Variants in ERCC8 observed in about 807,000 individuals in gnomAD.
ERCC8 encodes ERCC excision repair 8, CSA ubiquitin ligase complex subunit.
In ERCC8, 52 loss-of-function variants were observed where a neutral mutation model predicts 54.9. The ratio of observed to expected loss-of-function variants is 0.95; its 90% CI spans 0.76 to 1.19. The LOEUF (loss-of-function observed/expected upper bound fraction) is 1.19, where lower values mean the gene tolerates loss of function less well. ERCC8 is among the 50% of genes most tolerant of loss of function. The probability of loss-of-function intolerance (pLI) is 0.00; values close to 1 mark genes in which losing one functional copy is unlikely to be tolerated. For missense variants in ERCC8, 514 were observed against 466.1 expected (o/e 1.10, Z -0.95); for synonymous variants, 146 against 157.2 (o/e 0.93, Z 0.53).
intron 10 of ERCC8, among the ~76,000 whole-genome samples, chr5:60,888,602 A>C (rs750782363): frequency 4.9e-4 from 75 of 152,336 alleles, no homozygotes; most frequent in Non-Finnish European, 6.0e-4. Context: ...AACAAAGAAC[A>C]CTTAGATAGA....
chr5:60,926,014 G>A (rs185443726), intron 2 of ERCC8, among the ~76,000 whole-genome samples: 16 of 152,012 alleles, frequency 1.1e-4, no homozygotes, highest in African/African-American at 2.2e-4. Context: ...TAGTAGAGAC[G>A]GGGTTTCACC....
chr5:60,882,063 G>A (rs948324819), intron 11 of ERCC8, among the ~76,000 whole-genome samples: 1 of 152,092 alleles, frequency 6.6e-6, no homozygotes, highest in African/African-American at 2.4e-5. Context: ...GGATGATCTC[G>A]ATCTCCTGAT....
intron 11 of ERCC8, among the ~76,000 whole-genome samples, chr5:60,880,274 C>T (rs983935257): frequency 9.2e-5 from 14 of 152,168 alleles, no homozygotes; most frequent in South Asian, 4.1e-4. Flanking sequence ...GGTAACCCGA[C>T]CTTTCTCTCT....
chr5:60,884,342 G>A (rs911863496), intron 11 of ERCC8, among the ~76,000 whole-genome samples: 1 of 151,822 alleles, frequency 6.6e-6, no homozygotes, highest in Non-Finnish European at 1.5e-5. Context: ...TGGGCGTGGT[G>A]GTGGGCGCCT....
intron 6 of ERCC8, 57 bp downstream of exon 6, chr5:60,903,591 T>G: frequency 6.2e-7 from 1 of 1,608,214 alleles, no homozygotes; most frequent in East Asian, 2.2e-5. Flanking sequence ...TAGTAACGTT[T>G]CTTTTTATTG....
intron 4 of ERCC8, among the ~76,000 whole-genome samples, chr5:60,908,751 T>A (rs1016759113): frequency 2.0e-5 from 3 of 151,884 alleles, no homozygotes; most frequent in Non-Finnish European, 4.4e-5. Flanking sequence ...TAGACTGAAG[T>A]GTGCAGCTGT....
intron 1 of ERCC8, among the ~76,000 whole-genome samples, chr5:60,930,639 T>A (rs559308452): frequency 8.8e-4 from 134 of 152,076 alleles, no homozygotes; most frequent in Non-Finnish European, 1.5e-3. Context: ...GGCAGGAGAA[T>A]CGCTTGAACC....
chr5:60,874,157 A>G lies in ERCC8; in HGVS notation c.*458T>C, dbSNP rs4647156. 2,697 of 153,468 alleles carry G rather than the reference A, an allele frequency of 0.018. 45 individuals are homozygous for G. The highest frequency in any genetic ancestry group is 0.024 in the Non-Finnish European group (1,628 of 68,856). The allele number at this position is 153,468 out of a possible 1,614,324, so 9.5% of individuals were successfully genotyped here. A position where few individuals can be genotyped will look rare whatever the true frequency, so the allele number is the denominator to read the frequency against. The stretch of plus-strand genomic sequence containing the variant: ...ATACATGAAGAAGAAAGAATAAAAT[A>G]ATTTTGATGTTACCATTTCAACTAC... On this transcript the variant is annotated 3_prime_UTR_variant, in exon 12 of 12. Coordinates refer to ENST00000676185, the MANE Select transcript of ERCC8 (RefSeq NM_000082.4).
chr5:60,885,794 T>A (rs912336110), intron 11 of ERCC8, among the ~76,000 whole-genome samples: 5 of 152,212 alleles, frequency 3.3e-5, no homozygotes, highest in African/African-American at 1.2e-4. Flanking sequence ...AATTTAGGTA[T>A]GAAATATATA....
In ERCC8 at chr5:60,930,675, G is replaced by A. The variant is rs920447635; in HGVS notation, c.78-1716C>T. Among the ~76,000 whole-genome samples, 11 of 152,304 alleles carry A rather than the reference G, an allele frequency of 7.2e-5. 1 individual carries two copies. Among genetic ancestry groups the A allele is most frequent in the Middle Eastern group, 3.4e-3 (1 of 294 alleles). On this transcript the variant is annotated intron_variant, in intron 1 of 11. Transcript: ENST00000676185. ...CAGGAGGCAGAGGTTGCAGTGAGCC[G>A]AGATCGCGCCACTGCACTCCAGCCT...
At chr5:60,875,990 T>G (rs773354540) in intron 11 of ERCC8, among the ~76,000 whole-genome samples, 3 of 151,604 alleles carry the variant, frequency 2.0e-5, no homozygotes, top group Non-Finnish European at 3.0e-5. Flanking sequence ...CTGCACCCAT[T>G]TAACATTAGG....
In ERCC8 at chr5:60,883,731, G is replaced by T. The variant is rs111601333; in HGVS notation, c.1122+3709C>A. Among the ~76,000 whole-genome samples the T allele has an allele frequency of 2.4e-3, 362 of 152,262 alleles. 8 individuals are homozygous for T. The highest frequency in any genetic ancestry group is 8.5e-3 in the African/African-American group (352 of 41,532). Reference sequence around the variant, plus strand: ...AACAAAGTAAGATTCTTAGTGAGAGGTCAGGTTTAAACTGGAATAAACCTG... The same window carrying T: ...AACAAAGTAAGATTCTTAGTGAGAGTTCAGGTTTAAACTGGAATAAACCTG... On this transcript the variant is annotated intron_variant, in intron 11 of 11. Coordinates refer to ENST00000676185, the MANE Select transcript of ERCC8 (RefSeq NM_000082.4).
In ERCC8 at chr5:60,944,866, C is replaced by CA. The variant is rs1386565141; in HGVS notation, c.77+65dup. On this transcript the variant is annotated intron_variant, in intron 1 of 11. Transcript: ENST00000676185. ...AGCGATGAGACGGGAAAGTGTGGGG[C>CA]AAAGCTTACAGTCATTGGTCCAGAT... is the stretch of plus-strand genomic sequence containing the variant. 9.4e-6 allele frequency: 11 copies of CA among 1,173,650 alleles called. No individual in the cohort carries two copies. In the East Asian group the frequency reaches 2.3e-4, roughly 25 times the overall value. 72.7% of individuals were successfully genotyped at this position (1,173,650 alleles called of 1,614,324 possible).
At position 60,867,737 on chromosome 5, in the gene ERCC8, A is replaced by G. The variant is rs1480754694; in HGVS notation, c.*6878T>C. The stretch of plus-strand genomic sequence containing the variant: ...TTAAGTGTTTGAGCCACATGGGAGA[A>G]GCAGCTCTCCTGCTCCTGGTGGTGT... On this transcript the variant is annotated 3_prime_UTR_variant, in exon 12 of 12. Coordinates refer to ENST00000676185, the MANE Select transcript of ERCC8 (RefSeq NM_000082.4). Among the ~76,000 whole-genome samples, 2 of 152,224 alleles carry G rather than the reference A, an allele frequency of 1.3e-5. No individual in the cohort carries two copies. Among genetic ancestry groups the G allele is most frequent in the Non-Finnish European group, 1.5e-5 (1 of 68,038 alleles).
intron 11 of ERCC8, among the ~76,000 whole-genome samples, chr5:60,876,805 A>G (rs1748024470): frequency 6.6e-6 from 1 of 152,128 alleles, no homozygotes; most frequent in South Asian, 2.1e-4. Flanking sequence ...AGTAGATTGC[A>G]AAAATTTTCT....
At chr5:60,938,093 T>A (rs1488917186) in intron 1 of ERCC8, among the ~76,000 whole-genome samples, 2 of 128,696 alleles carry the variant, frequency 1.6e-5, no homozygotes, top group Non-Finnish European at 3.3e-5. Flanking sequence ...ATATTTTATT[T>A]TTTTTTTTTT....
At chr5:60,919,830 T>A (rs909533077) in intron 3 of ERCC8, among the ~76,000 whole-genome samples, 6 of 151,924 alleles carry the variant, frequency 3.9e-5, no homozygotes, top group African/African-American at 1.4e-4. Context: ...TAGTGAAGAT[T>A]TGCATTAGGT....
chr5:60,879,038 G>A (rs1748114227), intron 11 of ERCC8, among the ~76,000 whole-genome samples: 1 of 152,024 alleles, frequency 6.6e-6, no homozygotes, highest in Non-Finnish European at 1.5e-5. Context: ...ACACTGCTTT[G>A]AATGTGTCTC....
At chr5:60,937,735 C>T (rs1750109753) in intron 1 of ERCC8, among the ~76,000 whole-genome samples, 1 of 152,146 alleles carries the variant, frequency 6.6e-6, no homozygotes, top group African/African-American at 2.4e-5. Flanking sequence ...GAAAGCCAGC[C>T]AACTCACAGT....
Sources: allele counts gnomAD v4.1 joint callset (sites outside exome capture counted in the v4.1 genomes callset), GRCh38; gene constraint gnomAD v4.1.1; transcripts MANE v1.5; gene names NCBI Gene and HGNC (gene_info 2026-07-23, HGNC 2026-07-21).